TMEM161B: variants seen among roughly 807,000 people sequenced by gnomAD.
The protein encoded by TMEM161B is transmembrane protein 161B.
Under a neutral mutation model 61.8 loss-of-function variants are expected in TMEM161B, and 34 were observed. The ratio of observed to expected loss-of-function variants is 0.55; its 90% CI spans 0.42 to 0.73. The LOEUF (loss-of-function observed/expected upper bound fraction) is 0.73. TMEM161B is among the 30% of genes least tolerant of loss of function. TMEM161B has a pLI of 0.00. For missense variants in TMEM161B, 456 were observed against 558.5 expected, an observed-to-expected ratio of 0.82 and a Z score of 1.85; for synonymous variants, 167 against 192.8, an observed-to-expected ratio of 0.87 and a Z score of 1.11.
intron 2 of TMEM161B, among the ~76,000 whole-genome samples, chr5:88,233,841 G>C (rs780397): frequency 0.79 from 119,937 of 151,982 alleles, 47,548 homozygotes; most frequent in South Asian, 0.86. Flanking sequence ...AGGGCAACTA[G>C]ATATTAGAAT....
chr5:88,251,030 G>A (rs1320528994), intron 1 of TMEM161B: 1 of 152,162 alleles, frequency 6.6e-6, no homozygotes, highest in Non-Finnish European at 1.5e-5. Context: ...AGTGAGAAGC[G>A]ACTGATTTGA....
intron 10 of TMEM161B, chr5:88,198,036 A>T (rs1275202592): frequency 4.1e-6 from 1 of 246,324 alleles, no homozygotes; most frequent in Non-Finnish European, 7.7e-6. Context: ...GAAAATAATG[A>T]CTAAGATTCA....
chr5:88,194,626 T>G (rs770147404), downstream of TMEM161B, among the ~76,000 whole-genome samples: 1 of 152,242 alleles, frequency 6.6e-6, no homozygotes, highest in East Asian at 1.9e-4. Flanking sequence ...TAAGCATTCC[T>G]TTCCTTTTAA....
At chr5:88,256,596 G>A (rs80007186) in intron 1 of TMEM161B, among the ~76,000 whole-genome samples, 2,714 of 152,238 alleles carry the variant, frequency 0.018, 68 homozygotes, top group African/African-American at 0.061. Flanking sequence ...TTCTACTAAA[G>A]AACATATGCG....
downstream of TMEM161B, among the ~76,000 whole-genome samples, chr5:88,188,446 T>C (rs1748498113): frequency 6.6e-6 from 1 of 152,182 alleles, no homozygotes; most frequent in Non-Finnish European, 1.5e-5. Context: ...CTTAATTCCA[T>C]GGTGATCAGA....
At chr5:88,209,069 T>C (rs949660043) in intron 5 of TMEM161B, among the ~76,000 whole-genome samples, 8 of 152,246 alleles carry the variant, frequency 5.3e-5, no homozygotes, top group African/African-American at 1.9e-4. Context: ...CTTCTACTTC[T>C]GGTGTTATGT....
chr5:88,209,356 A>G (rs1746230083), intron 5 of TMEM161B, among the ~76,000 whole-genome samples: 1 of 152,216 alleles, frequency 6.6e-6, no homozygotes, highest in African/African-American at 2.4e-5. Context: ...ACTAGAATCT[A>G]TAAGGAGACA....
At chr5:88,186,175 C>A (rs757471514), downstream of TMEM161B, among the ~76,000 whole-genome samples, 1 of 152,156 alleles carries the variant, frequency 6.6e-6, no homozygotes, top group Non-Finnish European at 1.5e-5. Context: ...TTTATGTAGC[C>A]ATCCTAGGCA....
chr5:88,233,102 G>A lies in TMEM161B; in HGVS notation c.108-4574C>T, dbSNP rs139432554. Among the ~76,000 whole-genome samples, 441 of 152,114 alleles carry A rather than the reference G, an allele frequency of 2.9e-3. 3 individuals are homozygous for A. The highest frequency in any genetic ancestry group is 0.01 in the Middle Eastern group (3 of 294). ...ATTCATTCATTTATCAGTCACTTAG[G>A]GAGAACCTTCTGTATTCAGATACTC... is the stretch of plus-strand genomic sequence containing the variant. On this transcript the variant is annotated intron_variant, in intron 2 of 11. Transcript: ENST00000296595.
At chr5:88,232,579 AT>A (rs11298266) in intron 2 of TMEM161B, among the ~76,000 whole-genome samples, 147,822 of 151,240 alleles carry the variant, frequency 0.98, 72,260 homozygotes, top group East Asian at 1. Context: ...ACATTTTCTT[AT>A]TTTTTTTTTC....
chr5:88,196,469 A>C lies in TMEM161B; in HGVS notation c.1206T>G (p.Ile402Met). The C allele has an allele frequency of 6.2e-7, 1 of 1,606,602 alleles. No individual in the cohort carries two copies. The highest frequency in any genetic ancestry group is 8.5e-7 in the Non-Finnish European group (1 of 1,176,794). Residue 402 changes from isoleucine to methionine, a missense_variant, in exon 12 of 12, where the codon ATT becomes ATG. This residue lies in a region of TMEM161B where 367 missense variants were observed against 427.3 expected (regional missense o/e 0.86). Transcript: ENST00000296595. Reference protein sequence around the residue: ...LKTLGNHSWGIYPESISTLPV... With the variant: ...LKTLGNHSWGMYPESISTLPV... ...GTAAGGTAGAGATAGATTCTGGATA[A>C]ATACCCCAGGAATGATTACCTAGAA... is the stretch of plus-strand genomic sequence containing the variant.
intron 1 of TMEM161B, among the ~76,000 whole-genome samples, chr5:88,256,624 GT>G (rs1385265136): frequency 6.6e-6 from 1 of 152,158 alleles, no homozygotes; most frequent in African/African-American, 2.4e-5. Flanking sequence ...AAAATAACCT[GT>G]ATCATGCTCA....
chr5:88,250,895 T>G (rs1013078329), intron 1 of TMEM161B: 1 of 152,168 alleles, frequency 6.6e-6, no homozygotes, highest in Non-Finnish European at 1.5e-5. Flanking sequence ...CCTGATGGGC[T>G]CTTCCTGACT....
intron 1 of TMEM161B, among the ~76,000 whole-genome samples, chr5:88,247,646 T>C (rs1753785003): frequency 6.6e-6 from 1 of 152,124 alleles, no homozygotes; most frequent in African/African-American, 2.4e-5. Flanking sequence ...AAAGAAGATG[T>C]AAACTGCCAT....
intron 2 of TMEM161B, among the ~76,000 whole-genome samples, chr5:88,234,629 C>T (rs1751552173): frequency 1.3e-5 from 2 of 152,152 alleles, no homozygotes; most frequent in Non-Finnish European, 2.9e-5. Flanking sequence ...AACTGCTGCA[C>T]TATGCTTGCC....
intron 8 of TMEM161B, among the ~76,000 whole-genome samples, chr5:88,204,707 G>C (rs1209556873): frequency 6.6e-6 from 1 of 151,882 alleles, no homozygotes; most frequent in Non-Finnish European, 1.5e-5. Context: ...GGAGACGGGT[G>C]GTGGGAGAAA....
intron 2 of TMEM161B, among the ~76,000 whole-genome samples, chr5:88,234,064 G>C (rs1184213426): frequency 1.3e-5 from 2 of 152,110 alleles, no homozygotes; most frequent in African/African-American, 4.8e-5. Flanking sequence ...ATATGGAGGG[G>C]CTTTGTTTTT....
downstream of TMEM161B, among the ~76,000 whole-genome samples, chr5:88,185,793 G>C (rs1410509505): frequency 6.6e-6 from 1 of 151,886 alleles, no homozygotes. Flanking sequence ...ATGAAACACA[G>C]AAAGAAAAAA....
intron 3 of TMEM161B, among the ~76,000 whole-genome samples, chr5:88,227,741 T>C (rs1750298190): frequency 6.6e-6 from 1 of 152,138 alleles, no homozygotes; most frequent in African/African-American, 2.4e-5. Context: ...CATTTCAGAG[T>C]CACAGGGGAC....
Sources: allele counts gnomAD v4.1 joint callset (sites outside exome capture counted in the v4.1 genomes callset), GRCh38; gene constraint gnomAD v4.1.1; regional missense constraint gnomAD v4.1.1; transcripts MANE v1.5; gene names NCBI Gene and HGNC (gene_info 2026-07-23, HGNC 2026-07-21).